MYH14: variants seen among roughly 807,000 people sequenced by gnomAD.
MYH14 encodes the protein myosin-14.
Under a neutral mutation model 255.5 loss-of-function variants are expected in MYH14, and 123 were observed. The observed-to-expected ratio is 0.48, with a 90% CI of 0.42 to 0.56. MYH14 has a LOEUF of 0.56. Ranked by LOEUF, MYH14 falls within the 20% of genes least tolerant of loss-of-function variation. MYH14 has a pLI of 0.00. For synonymous variants in MYH14, 1,095 were observed against 1,161.2 expected (o/e 0.94, Z 1.16); for missense variants, 2,423 against 2,802.3 (o/e 0.86, Z 3.06).
intron 1 of MYH14, among the ~76,000 whole-genome samples, chr19:50,208,692 T>A (rs1353842704): frequency 1.3e-5 from 2 of 152,150 alleles, no homozygotes; most frequent in African/African-American, 2.4e-5. Context: ...AAGGAACGGG[T>A]AACATTAATT....
At position 50,250,184 on chromosome 19, in the gene MYH14, T is replaced by G. The variant is rs1020394749; in HGVS notation, c.1657-331T>G. ...GGCGCGATCTCTGCTTACTGCAAGC[T>G]TCGCCCCCTGGGTTCACGCCATTCT... On this transcript the variant is annotated intron_variant, in intron 14 of 42. Transcript: ENST00000642316. The surrounding 1 kb of genome is among the most constrained non-coding windows in gnomAD (Gnocchi z 5.4). Among the ~76,000 whole-genome samples the G allele has an allele frequency of 6.6e-6, 1 of 151,654 alleles. No homozygotes were observed. Among genetic ancestry groups the G allele is most frequent in the East Asian group, 1.9e-4 (1 of 5,190 alleles).
rs1464256115 is a variant in MYH14 at position 50,251,563 on chromosome 19, CACACACAT to C, written c.1830+877_1830+884del. On this transcript the variant is annotated intron_variant, in intron 15 of 42. Transcript: ENST00000642316. The stretch of plus-strand genomic sequence containing the variant: ...ACACACACACACACACACACACACA[CACACACAT>C]ATATATATGTATTTTTTTTTATTTG... Among the ~76,000 whole-genome samples, 85 of 104,132 alleles carry C rather than the reference CACACACAT, an allele frequency of 8.2e-4. 1 individual carries two copies. Among genetic ancestry groups the C allele is most frequent in the African/African-American group, 1.9e-3 (51 of 27,518 alleles). 68.3% of individuals were successfully genotyped at this position (104,132 alleles called of 152,430 possible). A position where few individuals can be genotyped will look rare whatever the true frequency, so the allele number is the denominator to read the frequency against.
In MYH14 at chr19:50,261,481, G is replaced by A. The variant is rs745614655; in HGVS notation, c.2431G>A (p.Ala811Thr). 3 of 1,434,420 alleles carry A rather than the reference G, an allele frequency of 2.1e-6. No homozygotes were observed. In the African/African-American group the frequency reaches 6.2e-5, roughly 30 times the overall value. 88.9% of individuals were successfully genotyped at this position (1,434,420 alleles called of 1,614,324 possible). A position where few individuals can be genotyped will look rare whatever the true frequency, so the allele number is the denominator to read the frequency against. ...CCTCTCCCACCCCTCACAGATCCAG[G>A]CGCTGGAACTGGACCCCAACCTCTA... is the stretch of plus-strand genomic sequence containing the variant. ...GKQACEKMIQ[A>T]LELDPNLYRV... The change falls in exon 21 of 43, where the codon GCG (alanine) becomes ACG (threonine). Residue 811 changes from alanine to threonine, a missense_variant. Physicochemically the swap from Ala to Thr is moderately conservative, Grantham distance 58 (BLOSUM62 0). This residue lies in a region of MYH14 where 1,513 missense variants were observed against 1,674.8 expected (regional missense o/e 0.90). Transcript: ENST00000642316.
At chr19:50,240,748 G>A (rs2033859424) in intron 10 of MYH14, among the ~76,000 whole-genome samples, 1 of 152,066 alleles carries the variant, frequency 6.6e-6, no homozygotes, top group East Asian at 1.9e-4. Context: ...ACCAGCCTGG[G>A]CAACAGAATG....
At chr19:50,260,236 G>A (rs2034772477) in intron 19 of MYH14, among the ~76,000 whole-genome samples, 2 of 152,068 alleles carry the variant, frequency 1.3e-5, no homozygotes, top group African/African-American at 4.8e-5. Flanking sequence ...AGACAGCCTG[G>A]CCATCATGGA....
chr19:50,225,679 T>G lies in MYH14; in HGVS notation c.810+2T>G, dbSNP rs1196741665. The G allele has an allele frequency of 6.2e-7, 1 of 1,612,112 alleles. No individual in the cohort carries two copies. Among genetic ancestry groups the G allele is most frequent in the African/African-American group, 1.3e-5 (1 of 74,830 alleles). On this transcript the variant is annotated splice_donor_variant, in intron 7 of 42. Coordinates refer to ENST00000642316, the MANE Select transcript of MYH14 (RefSeq NM_001145809.2). LOFTEE classifies it high-confidence loss of function. Reference sequence around the variant, plus strand: ...AAGAATGACAACTCCTCCCGATTCGTGAGTGCCAGGGGTGGGCAGTGCTGG... The same window carrying G: ...AAGAATGACAACTCCTCCCGATTCGGGAGTGCCAGGGGTGGGCAGTGCTGG...
chr19:50,280,465 A>G lies in MYH14; in HGVS notation c.4290+82A>G. 1 of 1,393,728 alleles carries G rather than the reference A, an allele frequency of 7.2e-7. No homozygotes were observed. The highest frequency in any genetic ancestry group is 1.5e-5 in the South Asian group (1 of 68,290). 86.3% of individuals were successfully genotyped at this position (1,393,728 alleles called of 1,614,324 possible). ...TGGGTTCCCCAGCTCAGGGATGGCC[A>G]TGCTGCCCACCTTCTCATAGGCCAG... On this transcript the variant is annotated intron_variant, in intron 32 of 42. Transcript: ENST00000642316. The surrounding 1 kb of genome is among the most constrained non-coding windows in gnomAD (Gnocchi z 4.8).
chr19:50,234,397 CT>C (rs2033561048), intron 10 of MYH14, among the ~76,000 whole-genome samples: 1 of 152,200 alleles, frequency 6.6e-6, no homozygotes, highest in African/African-American at 2.4e-5. Flanking sequence ...CCAGGGCCGC[CT>C]CTGGGTCTGA....
Position 50,309,144 on chromosome 19 carries a change from A to G in MYH14, c.5927A>G (p.Asn1976Ser), listed in dbSNP as rs1283485955. The G allele has an allele frequency of 1.9e-6, 3 of 1,613,754 alleles. No homozygotes were observed. Among genetic ancestry groups the G allele is most frequent in the Non-Finnish European group, 2.5e-6 (3 of 1,179,820 alleles). ...EDVTESAESMNREVTTLRNRL... is the reference protein window; with the variant it reads ...EDVTESAESMSREVTTLRNRL... ...GTCACAGAGTCGGCCGAGTCCATGA[A>G]CCGTGAAGTGACCACACTGAGGAAC... The change falls in exon 42 of 43, where the codon AAC becomes AGC. Residue 1976 changes from asparagine (N) to serine (S), a missense_variant. Around this residue, in one of 3 missense-constraint regions of MYH14, gnomAD observed 1,513 missense variants for 1,674.8 expected, o/e 0.90. Coordinates refer to ENST00000642316, the MANE Select transcript of MYH14 (RefSeq NM_001145809.2).
Position 50,259,208 on chromosome 19 carries a change from T to C in MYH14, c.2297T>C (p.Ile766Thr). ...CGCTGCAACGGGGTCCTGGAGGGCATCCGCATCTGTCGCCAGGGCTTCCCC... is the reference window on the plus strand; with the variant it reads ...CGCTGCAACGGGGTCCTGGAGGGCACCCGCATCTGTCGCCAGGGCTTCCCC... ...QLRCNGVLEG[I>T]RICRQGFPNR... The change falls in exon 19 of 43, where the codon ATC becomes ACC. Residue 766 changes from isoleucine to threonine, a missense_variant. Physicochemically the swap from Ile to Thr is moderately conservative, Grantham distance 89. Around this residue, in one of 3 missense-constraint regions of MYH14, gnomAD observed 672 missense variants for 881.8 expected, o/e 0.76. Transcript: ENST00000642316. The C allele has an allele frequency of 6.3e-7, 1 of 1,585,280 alleles. No individual in the cohort carries two copies. Among genetic ancestry groups the C allele is most frequent in the Non-Finnish European group, 8.6e-7 (1 of 1,165,292 alleles).
chr19:50,310,092 G>A lies in MYH14; in HGVS notation c.*302G>A, dbSNP rs544178350. 2.2e-3 allele frequency: 1,073 copies of A among 493,362 alleles called. 21 individuals carry two copies. In the South Asian group the frequency reaches 0.026, roughly 12 times the overall value. The allele number at this position is 493,362 out of a possible 1,614,324, so 30.6% of individuals were successfully genotyped here. A position where few individuals can be genotyped will look rare whatever the true frequency, so the allele number is the denominator to read the frequency against. ...GCTCCCTGTCCTCCTTTCTTCCCTC[G>A]TTATTGATCTATAGACATTAGGAAG... is the stretch of plus-strand genomic sequence containing the variant. On this transcript the variant is annotated 3_prime_UTR_variant, in exon 43 of 43. Transcript: ENST00000642316.
intron 23 of MYH14, 91 bp downstream of exon 23, chr19:50,267,099 G>T: frequency 7.8e-7 from 1 of 1,285,658 alleles, no homozygotes; most frequent in Non-Finnish European, 1.1e-6. Flanking sequence ...GGGGCTTCCG[G>T]CTGAGCCAGC....
chr19:50,227,017 G>C, intron 8 of MYH14, 51 bp downstream of exon 8: 1 of 1,548,562 alleles, frequency 6.5e-7, no homozygotes, highest in Non-Finnish European at 8.9e-7. Flanking sequence ...CAGCCTTTCA[G>C]ACAGCACTGA....
At position 50,310,349 on chromosome 19, in the gene MYH14, C is replaced by T. The variant is rs2036821078; in HGVS notation, c.*559C>T. 6.0e-6 allele frequency: 1 copy of T among 165,564 alleles called. No individual in the cohort carries two copies. The highest frequency in any genetic ancestry group is 2.4e-5 in the African/African-American group (1 of 41,502). 10.3% of individuals were successfully genotyped at this position (165,564 alleles called of 1,614,324 possible). On this transcript the variant is annotated 3_prime_UTR_variant, in exon 43 of 43. Transcript: ENST00000642316. Reference sequence around the variant, plus strand: ...CTGAACTCCTGAGCGACAGAAGCCCCAGGCCTCCACCAGCCTTGAACCCTT... The same window carrying T: ...CTGAACTCCTGAGCGACAGAAGCCCTAGGCCTCCACCAGCCTTGAACCCTT...
At position 50,293,486 on chromosome 19, in the gene MYH14, A is replaced by G; in HGVS notation, c.5346-78A>G. 4 of 1,583,364 alleles carry G rather than the reference A, an allele frequency of 2.5e-6. No homozygotes were observed. The highest frequency in any genetic ancestry group is 1.3e-5 in the African/African-American group (1 of 74,396). ...TGGGGAGATGCGTGGGGCTAACCAC[A>G]GGGTCCTGTAGTGTGAGGCAAGGCA... is the stretch of plus-strand genomic sequence containing the variant. On this transcript the variant is annotated intron_variant, in intron 38 of 42. Coordinates refer to ENST00000642316, the MANE Select transcript of MYH14 (RefSeq NM_001145809.2). The surrounding 1 kb of genome is among the most constrained non-coding windows in gnomAD (Gnocchi z 4.1).
Position 50,251,565 on chromosome 19 carries a change from C to T in MYH14, c.1830+877C>T, listed in dbSNP as rs1429795411. Reference sequence around the variant, plus strand: ...ACACACACACACACACACACACACACACACATATATATATGTATTTTTTTT... The same window carrying T: ...ACACACACACACACACACACACACATACACATATATATATGTATTTTTTTT... On this transcript the variant is annotated intron_variant, in intron 15 of 42. Transcript: ENST00000642316. 3.1e-3 allele frequency among the ~76,000 whole-genome samples: 342 copies of T among 111,672 alleles called. 3 individuals carry two copies. The highest frequency in any genetic ancestry group is 0.014 in the South Asian group (46 of 3,384). 73.3% of individuals were successfully genotyped at this position (111,672 alleles called of 152,430 possible). A position where few individuals can be genotyped will look rare whatever the true frequency, so the allele number is the denominator to read the frequency against.
intron 33 of MYH14, among the ~76,000 whole-genome samples, chr19:50,284,357 T>G (rs1426200129): frequency 2.6e-5 from 4 of 151,858 alleles, no homozygotes; most frequent in Non-Finnish European, 5.9e-5. Flanking sequence ...CTTGTTTTCT[T>G]TTTGTTTGTT....
In MYH14 at chr19:50,278,069, C is replaced by T. The variant is rs753945520; in HGVS notation, c.3826-14C>T. On this transcript the variant is annotated splice_polypyrimidine_tract_variant and intron_variant, in intron 29 of 42. Transcript: ENST00000642316. ...AGGCCTCATAGATCTTTGCTCATCT[C>T]CTTCCCACACCAGGGCAAAGGTGCA... 1.3e-6 allele frequency: 2 copies of T among 1,533,798 alleles called. No homozygotes were observed. Among genetic ancestry groups the T allele is most frequent in the African/African-American group, 2.7e-5 (2 of 73,206 alleles).
chr19:50,218,186 G>A (rs2032593410), intron 3 of MYH14, among the ~76,000 whole-genome samples: 1 of 151,990 alleles, frequency 6.6e-6, no homozygotes, highest in Admixed American at 6.6e-5. Context: ...CACCATGTTG[G>A]CCAGGCTGGT....
Sources: allele counts gnomAD v4.1 joint callset (sites outside exome capture counted in the v4.1 genomes callset), GRCh38; gene constraint gnomAD v4.1.1; regional missense constraint gnomAD v4.1.1; non-coding constraint Gnocchi (gnomAD v3.1); transcripts MANE v1.5; gene names NCBI Gene and HGNC (gene_info 2026-07-23, HGNC 2026-07-21).